The following EDN1 variants were observed in gnomAD, a reference collection of about 807,000 sequenced individuals.
EDN1 encodes endothelin 1, also known as endothelin-1.
In EDN1, 11 loss-of-function variants were observed where a neutral mutation model predicts 21.7. The observed-to-expected ratio is 0.51, with a 90% CI of 0.32 to 0.84. EDN1 has a LOEUF of 0.84. EDN1 is among the 40% of genes least tolerant of loss of function. The pLI, the probability that EDN1 is intolerant of heterozygous loss-of-function variation, is 0.03. For synonymous variants in EDN1, 85 were observed against 90.6 expected, an observed-to-expected ratio of 0.94 and a Z score of 0.35; for missense variants, 244 against 262.3, an observed-to-expected ratio of 0.93 and a Z score of 0.48.
At chr6:12,238,488 A>G in the EDN1 span, among the ~76,000 whole-genome samples, 2 of 152,276 alleles carry the variant, frequency 1.3e-5, no homozygotes, top group South Asian at 4.1e-4. Context: ...CCTCTATGCA[A>G]TGAGGAGGTT....
chr6:12,290,557 A>G lies in EDN1; in HGVS notation c.-73A>G. On this transcript the variant is annotated 5_prime_UTR_variant, in exon 1 of 5. Transcript: ENST00000379375. The stretch of plus-strand genomic sequence containing the variant: ...TGAGGAACCCGCAGCGCTTTGAGGG[A>G]CCTGAAGCTGTTTTTCTTCGTTTTC... 7.9e-7 allele frequency: 1 copy of G among 1,266,490 alleles called. No homozygotes were observed. The highest frequency in any genetic ancestry group is 2.3e-5 in the East Asian group (1 of 43,208). The allele number at this position is 1,266,490 out of a possible 1,614,324, so 78.5% of individuals were successfully genotyped here.
At chr6:12,271,062 G>C in the EDN1 span, among the ~76,000 whole-genome samples, 1 of 151,210 alleles carries the variant, frequency 6.6e-6, no homozygotes, top group East Asian at 1.9e-4. Context: ...TTCAGTTTAT[G>C]TATGTTCTTA....
At chr6:12,258,449 C>CAAAAAAAAAAA in the EDN1 span, among the ~76,000 whole-genome samples, 14 of 63,666 alleles carry the variant, frequency 2.2e-4, 2 homozygotes, top group African/African-American at 5.4e-4. Flanking sequence ...GATCATGTCT[C>CAAAAAAAAAAA]AAAAAAAAAA....
chr6:12,278,157 G>T, the EDN1 span, among the ~76,000 whole-genome samples: 3 of 152,216 alleles, frequency 2.0e-5, no homozygotes, highest in Non-Finnish European at 4.4e-5. Context: ...TAGCTAAAAA[G>T]TATCTAGGAA....
At chr6:12,274,626 ATT>A in the EDN1 span, among the ~76,000 whole-genome samples, 1 of 152,046 alleles carries the variant, frequency 6.6e-6, no homozygotes, top group African/African-American at 2.4e-5. Flanking sequence ...CTCCATAAAT[ATT>A]TTCAGAATAA....
At chr6:12,288,832 T>C (rs1762609078), upstream of EDN1, among the ~76,000 whole-genome samples, 1 of 152,150 alleles carries the variant, frequency 6.6e-6, no homozygotes, top group Non-Finnish European at 1.5e-5. Flanking sequence ...GTGCCAGTCT[T>C]GGAAATTCAT....
intron 4 of EDN1, among the ~76,000 whole-genome samples, chr6:12,294,920 CTTTTTT>C (rs61701314): frequency 5.6e-5 from 6 of 107,624 alleles, no homozygotes; most frequent in Non-Finnish European, 8.9e-5. Flanking sequence ...GGTTTATGGT[CTTTTTT>C]TTTTTTTTTT....
the EDN1 span, among the ~76,000 whole-genome samples, chr6:12,264,019 A>G: frequency 6.6e-6 from 1 of 152,240 alleles, no homozygotes; most frequent in African/African-American, 2.4e-5. Context: ...TTCTACCAAT[A>G]CAACTATTTT....
chr6:12,249,550 T>C, the EDN1 span, among the ~76,000 whole-genome samples: 1 of 151,030 alleles, frequency 6.6e-6, no homozygotes, highest in Admixed American at 6.6e-5. Flanking sequence ...ACAAAGTTTA[T>C]GGTGTCAGAG....
At chr6:12,264,883 A>C in the EDN1 span, among the ~76,000 whole-genome samples, 10 of 152,150 alleles carry the variant, frequency 6.6e-5, 1 homozygote, top group African/African-American at 2.4e-4. Flanking sequence ...TAATATTAAT[A>C]ATGGATCTTT....
chr6:12,272,553 A>G, the EDN1 span, among the ~76,000 whole-genome samples: 1 of 141,040 alleles, frequency 7.1e-6, no homozygotes, highest in African/African-American at 2.7e-5. Context: ...CACCTCCTTC[A>G]TTCAAGCAAT....
At chr6:12,282,570 C>T in the EDN1 span, among the ~76,000 whole-genome samples, 1 of 152,204 alleles carries the variant, frequency 6.6e-6, no homozygotes, top group Non-Finnish European at 1.5e-5. Context: ...AGGCCTGATC[C>T]TTTCTCCTCT....
At chr6:12,278,452 C>A in the EDN1 span, among the ~76,000 whole-genome samples, 2 of 152,132 alleles carry the variant, frequency 1.3e-5, no homozygotes, top group Non-Finnish European at 2.9e-5. Flanking sequence ...TGCTGGGACC[C>A]ATCCTGAGGG....
At chr6:12,293,850 C>T in intron 2 of EDN1, 91 bp from the exon 3 acceptor site, 2 of 1,458,980 alleles carry the variant, frequency 1.4e-6, no homozygotes, top group Admixed American at 3.6e-5. Flanking sequence ...TGATGAGCTC[C>T]TTGTGTGCCC....
In EDN1 at chr6:12,296,420, GA is replaced by G; in HGVS notation, c.*354del. The G allele has an allele frequency of 4.4e-6, 1 of 228,896 alleles. No homozygotes were observed. The highest frequency in any genetic ancestry group is 4.9e-5 in the Admixed American group (1 of 20,612). 14.2% of individuals were successfully genotyped at this position (228,896 alleles called of 1,614,324 possible). On this transcript the variant is annotated 3_prime_UTR_variant, in exon 5 of 5. Transcript: ENST00000379375. ...GGAGTTTCTGACGAAGGTCCTAAGG[GA>G]GTGTTTGTGTCTGACTCAGGCGCCT... is the stretch of plus-strand genomic sequence containing the variant.
At chr6:12,233,453 G>A in the EDN1 span, among the ~76,000 whole-genome samples, 3 of 152,158 alleles carry the variant, frequency 2.0e-5, no homozygotes, top group Non-Finnish European at 4.4e-5. Context: ...AATTGCCCAA[G>A]GTCATGTCCA....
At chr6:12,246,771 C>T in the EDN1 span, among the ~76,000 whole-genome samples, 1 of 151,740 alleles carries the variant, frequency 6.6e-6, no homozygotes. Context: ...GGATCATAGG[C>T]CAGAAGGCCT....
chr6:12,282,065 AAC>A, the EDN1 span, among the ~76,000 whole-genome samples: 3 of 152,198 alleles, frequency 2.0e-5, no homozygotes. Context: ...AAAAAATGCT[AAC>A]CAGTCAAAGT....
chr6:12,278,281 T>A, the EDN1 span, among the ~76,000 whole-genome samples: 3 of 152,204 alleles, frequency 2.0e-5, no homozygotes, highest in Admixed American at 2.0e-4. Context: ...GCTTATTGAA[T>A]ATTCTTCCCA....
Sources: gnomAD v4.1 joint callset for allele counts (sites outside exome capture counted in the v4.1 genomes callset) on GRCh38, gnomAD v4.1.1 for gene constraint, MANE v1.5 for transcripts, NCBI Gene and HGNC (gene_info 2026-07-23, HGNC 2026-07-21) for gene names.